Variants in CREBL2 observed in about 807,000 individuals in gnomAD.
CREBL2 encodes the protein cAMP responsive element binding protein like 2.
CREBL2 carries 4 observed loss-of-function variants against 19.5 expected under a neutral mutation model. That is an observed-to-expected ratio of 0.20 (90% CI 0.10 to 0.47). CREBL2 has a LOEUF of 0.47. Ranked by LOEUF, CREBL2 falls within the 20% of genes least tolerant of loss-of-function variation. CREBL2 has a pLI of 0.98. For synonymous variants in CREBL2, 42 were observed against 46.6 expected, an observed-to-expected ratio of 0.90 and a Z score of 0.40; for missense variants, 85 against 145.1, an observed-to-expected ratio of 0.59 and a Z score of 2.13.
chr12:12,614,328 G>A (rs965585245), intron 1 of CREBL2: 5 of 152,386 alleles, frequency 3.3e-5, no homozygotes, highest in African/African-American at 1.2e-4. Flanking sequence ...GAAGATAAAC[G>A]TTTTTACACC....
Position 12,612,074 on chromosome 12 carries a change from A to G in CREBL2, c.-99A>G. The stretch of plus-strand genomic sequence containing the variant: ...GCGAGAGGAGGAGGCAGCCAGAACC[A>G]TATCCCCTTCTTCCTCGGGGCGGGG... On this transcript the variant is annotated 5_prime_UTR_variant, in exon 1 of 4. Coordinates refer to ENST00000228865, the MANE Select transcript of CREBL2 (RefSeq NM_001310.4). 5 of 1,457,504 alleles carry G rather than the reference A, an allele frequency of 3.4e-6. No individual in the cohort carries two copies. Among genetic ancestry groups the G allele is most frequent in the Non-Finnish European group, 4.8e-6 (5 of 1,050,390 alleles). The allele number at this position is 1,457,504 out of a possible 1,614,324, so 90.3% of individuals were successfully genotyped here.
intron 3 of CREBL2, among the ~76,000 whole-genome samples, chr12:12,641,258 T>TTTTTA (rs1305132917): frequency 1.0e-5 from 1 of 96,926 alleles, no homozygotes; most frequent in Non-Finnish European, 2.2e-5. Flanking sequence ...TTATTATTTT[T>TTTTTA]TTTTATTTTT....
At chr12:12,641,330 A>G (rs1254511725) in intron 3 of CREBL2, among the ~76,000 whole-genome samples, 2 of 130,664 alleles carry the variant, frequency 1.5e-5, no homozygotes, top group Non-Finnish European at 3.3e-5. Flanking sequence ...TTTTTTGAGA[A>G]GAAGTCTCGC....
intron 1 of CREBL2, among the ~76,000 whole-genome samples, chr12:12,634,940 G>A (rs542764472): frequency 1.5e-4 from 22 of 151,092 alleles, no homozygotes; most frequent in East Asian, 9.8e-4. Context: ...ATGCTCACCT[G>A]TAGACCCAGC....
At chr12:12,618,234 C>A (rs1240880199) in intron 1 of CREBL2, among the ~76,000 whole-genome samples, 1 of 151,516 alleles carries the variant, frequency 6.6e-6, no homozygotes, top group Non-Finnish European at 1.5e-5. Flanking sequence ...ACTTCCCAGA[C>A]GGGGCGGCTG....
chr12:12,632,987 G>T (rs1054570986), intron 1 of CREBL2, among the ~76,000 whole-genome samples: 2 of 151,010 alleles, frequency 1.3e-5, no homozygotes, highest in African/African-American at 4.9e-5. Context: ...AGCCTGGAGT[G>T]CAGTGGCCCG....
In CREBL2 at chr12:12,619,560, G is replaced by A. The variant is rs150198668; in HGVS notation, c.15+7373G>A. Among the ~76,000 whole-genome samples the A allele has an allele frequency of 5.6e-3, 852 of 152,232 alleles. 11 individuals are homozygous for A. Among genetic ancestry groups the A allele is most frequent in the African/African-American group, 0.019 (803 of 41,532 alleles). On this transcript the variant is annotated intron_variant, in intron 1 of 3. Coordinates refer to ENST00000228865, the MANE Select transcript of CREBL2 (RefSeq NM_001310.4). Reference sequence around the variant, plus strand: ...CAGGAGGTGGAGGTTGCTGTGAGCCGAGATCACGCCACTGCACTCCAGCCT... The same window carrying A: ...CAGGAGGTGGAGGTTGCTGTGAGCCAAGATCACGCCACTGCACTCCAGCCT...
chr12:12,631,782 C>G (rs1945444113), intron 1 of CREBL2, among the ~76,000 whole-genome samples: 1 of 152,076 alleles, frequency 6.6e-6, no homozygotes, highest in African/African-American at 2.4e-5. Context: ...TTGTGTAATA[C>G]TTTTTTCTCT....
At chr12:12,630,647 A>G (rs1001905024) in intron 1 of CREBL2, among the ~76,000 whole-genome samples, 3 of 151,940 alleles carry the variant, frequency 2.0e-5, no homozygotes, top group Non-Finnish European at 4.4e-5. Flanking sequence ...CTTTATGTTT[A>G]ATTTGCTCTT....
chr12:12,632,987 G>A (rs1054570986), intron 1 of CREBL2, among the ~76,000 whole-genome samples: 6 of 151,010 alleles, frequency 4.0e-5, no homozygotes, highest in Non-Finnish European at 5.9e-5. Flanking sequence ...AGCCTGGAGT[G>A]CAGTGGCCCG....
chr12:12,638,222 C>T (rs1945490537), intron 3 of CREBL2, among the ~76,000 whole-genome samples: 3 of 152,174 alleles, frequency 2.0e-5, no homozygotes, highest in African/African-American at 7.2e-5. Context: ...GGGCAGATCA[C>T]TTGAGGCCAG....
In CREBL2 at chr12:12,627,096, A is replaced by G. The variant is rs79818323; in HGVS notation, c.16-8681A>G. On this transcript the variant is annotated intron_variant, in intron 1 of 3. Transcript: ENST00000228865. ...AGCACAGGGGGTTTTTAGGGCAGTG[A>G]GACGATTCTGTATGATACTGCTTAT... Among the ~76,000 whole-genome samples, 94 of 152,264 alleles carry G rather than the reference A, an allele frequency of 6.2e-4. 1 individual carries two copies. In the East Asian group the frequency reaches 0.017, roughly 28 times the overall value.
At chr12:12,639,414 AC>A (rs1179077950) in intron 3 of CREBL2, among the ~76,000 whole-genome samples, 1 of 152,204 alleles carries the variant, frequency 6.6e-6, no homozygotes, top group Non-Finnish European at 1.5e-5. Context: ...TTACATTCCC[AC>A]CAGCAATGTA....
chr12:12,614,762 A>G, intron 1 of CREBL2: 1 of 342,350 alleles, frequency 2.9e-6, no homozygotes, highest in Non-Finnish European at 5.8e-6. Flanking sequence ...CTTGGCAAGA[A>G]TCTTTCCCTT....
intron 1 of CREBL2, chr12:12,614,857 GTTT>G (rs34663387): frequency 5.8e-3 from 976 of 168,568 alleles, no homozygotes; most frequent in South Asian, 0.014. Flanking sequence ...TAGGGCATTA[GTTT>G]TTTTTTTTTT....
chr12:12,621,153 C>T (rs1411628076), intron 1 of CREBL2, among the ~76,000 whole-genome samples: 1 of 152,182 alleles, frequency 6.6e-6, no homozygotes, highest in Non-Finnish European at 1.5e-5. Flanking sequence ...TTCCACTCTG[C>T]CATTGTATCA....
At chr12:12,628,477 T>G (rs760068228) in intron 1 of CREBL2, among the ~76,000 whole-genome samples, 4 of 152,218 alleles carry the variant, frequency 2.6e-5, no homozygotes, top group Non-Finnish European at 5.9e-5. Flanking sequence ...TTACCTTGAT[T>G]ATCCTTGAAA....
intron 1 of CREBL2, among the ~76,000 whole-genome samples, chr12:12,618,776 C>G (rs1399525152): frequency 6.6e-6 from 1 of 152,238 alleles, no homozygotes; most frequent in African/African-American, 2.4e-5. Flanking sequence ...CACCTGCAAT[C>G]CCGGCACCTC....
rs1945530484 is a variant in CREBL2 at position 12,642,451 on chromosome 12, A to AT, written c.*454dup. On this transcript the variant is annotated 3_prime_UTR_variant, in exon 4 of 4. Coordinates refer to ENST00000228865, the MANE Select transcript of CREBL2 (RefSeq NM_001310.4). ...AAACCAAATGAGCTGATTACTGACT[A>AT]TAAGTTCTCAGCCTTTATGGACCTA... 6.5e-6 allele frequency: 1 copy of AT among 153,794 alleles called. No individual in the cohort carries two copies. Among genetic ancestry groups the AT allele is most frequent in the Admixed American group, 6.5e-5 (1 of 15,310 alleles). 9.5% of individuals were successfully genotyped at this position (153,794 alleles called of 1,614,324 possible).
Sources: allele counts gnomAD v4.1 joint callset (sites outside exome capture counted in the v4.1 genomes callset), GRCh38; gene constraint gnomAD v4.1.1; transcripts MANE v1.5; gene names NCBI Gene and HGNC (gene_info 2026-07-23, HGNC 2026-07-21).